Variants in TMEM132D observed in about 807,000 individuals in gnomAD.
The protein encoded by TMEM132D is transmembrane protein 132D.
TMEM132D carries 21 observed loss-of-function variants against 62.3 expected under a neutral mutation model. The ratio of observed to expected loss-of-function variants is 0.34; its 90% CI spans 0.24 to 0.49. The LOEUF (loss-of-function observed/expected upper bound fraction) is 0.49, where lower values mean the gene tolerates loss of function less well. TMEM132D is among the 20% of genes least tolerant of loss of function. The probability of loss-of-function intolerance (pLI) is 0.99; values close to 1 mark genes in which losing one functional copy is unlikely to be tolerated. For synonymous variants in TMEM132D, 621 were observed against 575.6 expected (o/e 1.08, Z -1.13); for missense variants, 1,346 against 1,402.8 (o/e 0.96, Z 0.65).
intron 2 of TMEM132D, among the ~76,000 whole-genome samples, chr12:129,690,394 AAG>A (rs1455056252): frequency 1.3e-5 from 2 of 152,178 alleles, no homozygotes; most frequent in African/African-American, 4.8e-5. Context: ...TACCAATTAA[AAG>A]AGAGAGATTG....
At chr12:129,315,023 A>T (rs933338937) in intron 4 of TMEM132D, among the ~76,000 whole-genome samples, 2 of 152,190 alleles carry the variant, frequency 1.3e-5, no homozygotes, top group Non-Finnish European at 1.5e-5. Flanking sequence ...GAATTCTTTC[A>T]TCAGTTCTAG....
intron 3 of TMEM132D, among the ~76,000 whole-genome samples, chr12:129,420,314 T>TTTTTTTTTTTTTG (rs1872272146): frequency 1.8e-5 from 1 of 55,148 alleles, no homozygotes; most frequent in Admixed American, 1.6e-4. Context: ...CTGTTTTTTT[T>TTTTTTTTTTTTTG]TTTTTTTTTT....
At chr12:129,621,697 CA>C (rs1879073792) in intron 2 of TMEM132D, among the ~76,000 whole-genome samples, 1 of 152,198 alleles carries the variant, frequency 6.6e-6, no homozygotes, top group Non-Finnish European at 1.5e-5. Flanking sequence ...CCAGCCTGGT[CA>C]ATTAACACAC....
At chr12:129,822,920 A>T (rs1327969198) in intron 1 of TMEM132D, among the ~76,000 whole-genome samples, 1 of 152,142 alleles carries the variant, frequency 6.6e-6, no homozygotes, top group African/African-American at 2.4e-5. Context: ...CTGCGTTCCC[A>T]CTTGGATCTC....
chr12:129,127,665 T>C (rs1876255591), intron 5 of TMEM132D, among the ~76,000 whole-genome samples: 1 of 151,698 alleles, frequency 6.6e-6, no homozygotes, highest in Admixed American at 6.6e-5. Flanking sequence ...AAACACTACT[T>C]CTACACCGAG....
At chr12:129,597,186 A>G (rs1281122585) in intron 2 of TMEM132D, among the ~76,000 whole-genome samples, 1 of 152,192 alleles carries the variant, frequency 6.6e-6, no homozygotes, top group Non-Finnish European at 1.5e-5. Flanking sequence ...GGTTGGATCC[A>G]CAGACACAGA....
chr12:129,687,335 C>G (rs1320324449), intron 2 of TMEM132D, among the ~76,000 whole-genome samples: 1 of 152,144 alleles, frequency 6.6e-6, no homozygotes, highest in Non-Finnish European at 1.5e-5. Context: ...TTCCTAATCT[C>G]TACCATAGAG....
intron 5 of TMEM132D, among the ~76,000 whole-genome samples, chr12:129,088,433 G>A (rs1227120531): frequency 2.2e-5 from 1 of 44,862 alleles, no homozygotes; most frequent in South Asian, 7.8e-4. Context: ...CTCTATGACC[G>A]GGTGTCCTCC....
At chr12:129,420,687 C>G (rs1157024121) in intron 3 of TMEM132D, among the ~76,000 whole-genome samples, 1 of 152,134 alleles carries the variant, frequency 6.6e-6, no homozygotes, top group African/African-American at 2.4e-5. Context: ...AGCTGGCAAG[C>G]GATAAAGACC....
chr12:129,271,257 T>C (rs1719275861), intron 4 of TMEM132D, among the ~76,000 whole-genome samples: 1 of 149,404 alleles, frequency 6.7e-6, no homozygotes, highest in African/African-American at 2.6e-5. Flanking sequence ...CTCCGTGGAT[T>C]TTCAAGATCA....
intron 1 of TMEM132D, among the ~76,000 whole-genome samples, chr12:129,831,466 G>A (rs1020845376): frequency 3.3e-5 from 5 of 152,228 alleles, no homozygotes; most frequent in Admixed American, 1.3e-4. Context: ...GGCGCTCTGA[G>A]GCCCGACAGC....
chr12:129,420,537 C>T (rs540228917), intron 3 of TMEM132D, among the ~76,000 whole-genome samples: 12 of 152,094 alleles, frequency 7.9e-5, no homozygotes, highest in East Asian at 3.9e-4. Context: ...ACAGGACAGC[C>T]GCAACAGGCA....
At chr12:129,701,691 G>A (rs1018789671) in intron 1 of TMEM132D, among the ~76,000 whole-genome samples, 2 of 152,174 alleles carry the variant, frequency 1.3e-5, no homozygotes, top group African/African-American at 4.8e-5. Flanking sequence ...ATAATCCAAA[G>A]AACCAATTTA....
chr12:129,122,921 G>A (rs139979502), intron 5 of TMEM132D, among the ~76,000 whole-genome samples: 4 of 152,246 alleles, frequency 2.6e-5, no homozygotes, highest in East Asian at 1.9e-4. Context: ...AGGAAAGTAC[G>A]GAGTATTTAA....
chr12:129,420,000 A>T (rs1872252670), intron 3 of TMEM132D, among the ~76,000 whole-genome samples: 1 of 152,144 alleles, frequency 6.6e-6, no homozygotes, highest in African/African-American at 2.4e-5. Context: ...GAAAATTAAC[A>T]TTATTGTAAA....
chr12:129,842,684 G>C (rs1395350563), intron 1 of TMEM132D, among the ~76,000 whole-genome samples: 1 of 152,036 alleles, frequency 6.6e-6, no homozygotes, highest in African/African-American at 2.4e-5. Flanking sequence ...GCCCAGGCGG[G>C]TCTAGAACTC....
intron 2 of TMEM132D, among the ~76,000 whole-genome samples, chr12:129,603,002 C>T (rs879031960): frequency 1.3e-5 from 2 of 152,112 alleles, no homozygotes; most frequent in African/African-American, 4.8e-5. Flanking sequence ...AGAGTAACCG[C>T]CCCCATGATT....
intron 3 of TMEM132D, among the ~76,000 whole-genome samples, chr12:129,364,482 T>C (rs1870345092): frequency 6.6e-6 from 1 of 152,228 alleles, no homozygotes; most frequent in Non-Finnish European, 1.5e-5. Flanking sequence ...TATGCAAAGC[T>C]TGTAGAGGGA....
intron 3 of TMEM132D, among the ~76,000 whole-genome samples, chr12:129,362,946 CA>C (rs1419233438): frequency 2.0e-5 from 3 of 152,262 alleles, no homozygotes; most frequent in Non-Finnish European, 4.4e-5. Flanking sequence ...GACAATTGCA[CA>C]TGGTACAGCA....
Sources: gnomAD v4.1 joint callset for allele counts (sites outside exome capture counted in the v4.1 genomes callset) on GRCh38, gnomAD v4.1.1 for gene constraint, MANE v1.5 for transcripts, NCBI Gene and HGNC (gene_info 2026-07-23, HGNC 2026-07-21) for gene names.